Variants in NAGPA observed in about 807,000 individuals in gnomAD.
The protein encoded by NAGPA is alpha-N-acetylglucosaminyl phosphodiesterase.
Under a neutral mutation model 48.5 loss-of-function variants are expected in NAGPA, and 56 were observed. The observed-to-expected ratio is 1.15, with a 90% confidence interval of 0.93 to 1.44. The LOEUF is 1.44. Among genes scored for constraint, NAGPA ranks in the 40% most tolerant of loss-of-function variants. The pLI, the probability that NAGPA is intolerant of heterozygous loss-of-function variation, is 0.00. For missense variants in NAGPA, 888 were observed against 735.0 expected (o/e 1.21, Z -2.41); for synonymous variants, 399 against 315.5 (o/e 1.26, Z -2.81).
At chr16:5,032,555 C>T (rs895774402) in intron 2 of NAGPA, among the ~76,000 whole-genome samples, 1 of 151,824 alleles carries the variant, frequency 6.6e-6, no homozygotes, top group African/African-American at 2.4e-5. Context: ...GGCACACGTC[C>T]GTAGTCCCAG....
chr16:5,029,496 A>G (rs535812650), intron 4 of NAGPA: 113 of 229,052 alleles, frequency 4.9e-4, no homozygotes, highest in Non-Finnish European at 8.5e-4. Flanking sequence ...CAACCTAAAC[A>G]AGAGGATTCT....
chr16:5,030,426 C>G lies in NAGPA; in HGVS notation c.750G>C (p.Gln250His), dbSNP rs2142563697. ...GGCCGTCTGCATGAAAGAGCACCAGCTGCCCTTTCCGGTCGTGGCCAATGG... is the reference window on the plus strand; with the variant it reads ...GGCCGTCTGCATGAAAGAGCACCAGGTGCCCTTTCCGGTCGTGGCCAATGG... ...RTAIGHDRKG[Q>H]LVLFHADGQT... Residue 250 changes from glutamine to histidine, a missense_variant, in exon 4 of 10, where the codon CAG (glutamine) becomes CAC (histidine). Physicochemically the swap from Gln to His is conservative, Grantham distance 24. Transcript: ENST00000312251. The G allele has an allele frequency of 1.9e-6, 3 of 1,553,854 alleles. No homozygotes were observed. Among genetic ancestry groups the G allele is most frequent in the East Asian group, 2.4e-5 (1 of 41,198 alleles).
chr16:5,026,402 C>T (rs750987170), intron 9 of NAGPA, among the ~76,000 whole-genome samples: 4 of 151,876 alleles, frequency 2.6e-5, no homozygotes, highest in East Asian at 2.0e-4. Flanking sequence ...GAAAATTAGC[C>T]GGGCACCTGT....
chr16:5,033,677 G>A lies in NAGPA; in HGVS notation c.138C>T (p.Arg46=), dbSNP rs1376394047. The change falls in exon 2 of 10, where the codon CGC becomes CGT. Residue 46 remains arginine (R), a synonymous_variant. Coordinates refer to ENST00000312251, the MANE Select transcript of NAGPA (RefSeq NM_016256.4). The surrounding 1 kb of genome is among the most constrained non-coding windows in gnomAD (Gnocchi z 4.2). ...LLLPYPRARA[R]LPRDCTRVRA... The stretch of plus-strand genomic sequence containing the variant: ...GCACCCGTGTGCAGTCCCGGGGGAG[G>A]CGCGCGCGCGCGCGTGGATAGGGCA... 3 of 1,521,996 alleles carry A rather than the reference G, an allele frequency of 2.0e-6. No homozygotes were observed. Among genetic ancestry groups the A allele is most frequent in the Non-Finnish European group, 1.8e-6 (2 of 1,136,250 alleles). 94.3% of individuals were successfully genotyped at this position (1,521,996 alleles called of 1,614,324 possible).
intron 7 of NAGPA, 69 bp downstream of exon 7, chr16:5,027,777 A>G: frequency 6.5e-7 from 1 of 1,541,570 alleles, no homozygotes; most frequent in Non-Finnish European, 8.8e-7. Context: ...AGACAGAAGC[A>G]GCAGAGGAGC....
rs1567137049 is a variant in NAGPA, at chr16:5,025,399, G to A, written c.*79C>T. 1.3e-6 allele frequency: 2 copies of A among 1,544,466 alleles called. No individual in the cohort carries two copies. Among genetic ancestry groups the A allele is most frequent in the Non-Finnish European group, 1.8e-6 (2 of 1,128,652 alleles). On this transcript the variant is annotated 3_prime_UTR_variant, in exon 10 of 10. Coordinates refer to ENST00000312251, the MANE Select transcript of NAGPA (RefSeq NM_016256.4). ...GACACCCAGATGGTCCACGCCAGTG[G>A]CCTTGAAATTTCCCCTGCAGAAGCC...
chr16:5,028,820 G>A, intron 5 of NAGPA, 60 bp downstream of exon 5: 11 of 1,612,186 alleles, frequency 6.8e-6, no homozygotes, highest in Non-Finnish European at 8.5e-6. Flanking sequence ...TTGGCTGAAT[G>A]AGACAGGCTG....
chr16:5,028,374 G>GT (rs1956042038), intron 5 of NAGPA, 189 bp from the exon 6 acceptor site: 1 of 1,137,626 alleles, frequency 8.8e-7, no homozygotes, highest in African/African-American at 1.5e-5. Context: ...AGCTGTAACC[G>GT]TAAGGTGTGC....
chr16:5,029,095 C>T (rs897729292), intron 4 of NAGPA, 87 bp from the exon 5 acceptor site: 14 of 1,592,480 alleles, frequency 8.8e-6, no homozygotes, highest in African/African-American at 2.7e-5. Context: ...CAGAGCATCA[C>T]GCCCACAGTG....
At chr16:5,026,286 C>G (rs1003325113) in intron 9 of NAGPA, among the ~76,000 whole-genome samples, 3 of 150,250 alleles carry the variant, frequency 2.0e-5, no homozygotes, top group Non-Finnish European at 4.4e-5. Context: ...GTGCTCATGC[C>G]TGCAATCCCA....
intron 2 of NAGPA, chr16:5,032,887 T>A: frequency 3.5e-6 from 1 of 284,084 alleles, no homozygotes; most frequent in Non-Finnish European, 6.7e-6. Context: ...CGGAGAGGCG[T>A]GTTCCAGATC....
intron 3 of NAGPA, 103 bp from the exon 4 acceptor site, chr16:5,030,596 G>A: frequency 1.1e-6 from 1 of 939,046 alleles, no homozygotes; most frequent in South Asian, 1.4e-5. Flanking sequence ...ACCTCCCTGG[G>A]AAGCACAGCA....
chr16:5,030,075 G>C (rs1230521127), intron 4 of NAGPA: 11 of 509,444 alleles, frequency 2.2e-5, no homozygotes, highest in Non-Finnish European at 3.6e-5. Flanking sequence ...TAGGTGGGTA[G>C]ACAAGTCATC....
intron 5 of NAGPA, chr16:5,028,400 T>TC (rs1956042515): frequency 4.3e-6 from 4 of 940,942 alleles, no homozygotes; most frequent in African/African-American, 3.3e-5. Context: ...CACGCCTGCC[T>TC]AATTTTTTTT....
chr16:5,031,640 A>G (rs1319279178), intron 3 of NAGPA, 105 bp downstream of exon 3: 1 of 1,495,340 alleles, frequency 6.7e-7, no homozygotes, highest in Non-Finnish European at 9.3e-7. Flanking sequence ...AGTGCTGGGC[A>G]CAAAGTAGCT....
intron 2 of NAGPA, chr16:5,032,849 T>C (rs1254100012): frequency 4.3e-6 from 1 of 234,466 alleles, no homozygotes; most frequent in Non-Finnish European, 8.3e-6. Context: ...TAGTGATTCA[T>C]CTTCAAGTTC....
At chr16:5,025,770 G>C in intron 9 of NAGPA, 85 bp from the exon 10 acceptor site, 1 of 1,381,636 alleles carries the variant, frequency 7.2e-7, no homozygotes, top group Non-Finnish European at 1.0e-6. Context: ...CCCTCTACCC[G>C]GCATAGATAG....
intron 3 of NAGPA, chr16:5,030,930 C>T: frequency 4.2e-6 from 1 of 235,868 alleles, no homozygotes; most frequent in Non-Finnish European, 8.5e-6. Flanking sequence ...TGACCGCCCA[C>T]TCTTTTTTTT....
chr16:5,030,299 A>C, intron 4 of NAGPA, 86 bp downstream of exon 4: 4 of 1,228,318 alleles, frequency 3.3e-6, no homozygotes, highest in Non-Finnish European at 3.5e-6. Flanking sequence ...GAAAGCAGGT[A>C]GAGTCAGAGG....
Sources: allele counts gnomAD v4.1 joint callset (sites outside exome capture counted in the v4.1 genomes callset), GRCh38; gene constraint gnomAD v4.1.1; non-coding constraint Gnocchi (gnomAD v3.1); transcripts MANE v1.5; gene names NCBI Gene and HGNC (gene_info 2026-07-23, HGNC 2026-07-21).